FBXL17: variants seen among roughly 807,000 people sequenced by gnomAD.
FBXL17 encodes F-box and leucine rich repeat protein 17.
FBXL17 carries 22 observed loss-of-function variants against 66.2 expected under a neutral mutation model. The observed-to-expected ratio is 0.33, with a 90% CI of 0.24 to 0.47. The LOEUF (loss-of-function observed/expected upper bound fraction) is 0.47. Among genes scored for constraint, FBXL17 ranks in the 20% least tolerant of loss-of-function variants. The pLI is 1.00. For synonymous variants in FBXL17, 474 were observed against 400.5 expected, an observed-to-expected ratio of 1.18 and a Z score of -2.19; for missense variants, 878 against 948.2, an observed-to-expected ratio of 0.93 and a Z score of 0.97.
At position 107,889,046 on chromosome 5, in the gene FBXL17, T is replaced by C. The variant is rs73780448; in HGVS notation, c.1823-7867A>G. On this transcript the variant is annotated intron_variant, in intron 7 of 8. Transcript: ENST00000542267. ...TACAGCTGTTCTAGTGGGTACGTAG[T>C]AGTACCTTCTCGTGGGTTTTAATTT... Among the ~76,000 whole-genome samples, 532 of 152,276 alleles carry C rather than the reference T, an allele frequency of 3.5e-3. 2 individuals carry two copies. Among genetic ancestry groups the C allele is most frequent in the African/African-American group, 0.012 (507 of 41,566 alleles).
intron 5 of FBXL17, among the ~76,000 whole-genome samples, chr5:108,196,245 A>AC (rs1561458638): frequency 6.6e-6 from 1 of 151,884 alleles, no homozygotes; most frequent in African/African-American, 2.4e-5. Flanking sequence ...CAAAAAAAAA[A>AC]CGCTTATAGC....
intron 4 of FBXL17, among the ~76,000 whole-genome samples, chr5:108,259,563 A>G (rs557648113): frequency 6.6e-6 from 1 of 152,324 alleles, no homozygotes; most frequent in South Asian, 2.1e-4. Context: ...CTCAGTTAGA[A>G]ATGAATATGA....
At chr5:108,296,600 T>C (rs1199764132) in intron 4 of FBXL17, among the ~76,000 whole-genome samples, 1 of 151,796 alleles carries the variant, frequency 6.6e-6, no homozygotes, top group Non-Finnish European at 1.5e-5. Flanking sequence ...AGCCTCACTT[T>C]GATGTCAGGA....
chr5:108,034,602 T>C (rs900490636), intron 6 of FBXL17, among the ~76,000 whole-genome samples: 2 of 152,186 alleles, frequency 1.3e-5, no homozygotes, highest in African/African-American at 4.8e-5. Flanking sequence ...TTATTTATTT[T>C]CATAGCTATG....
intron 8 of FBXL17, among the ~76,000 whole-genome samples, chr5:107,869,029 C>G (rs972175780): frequency 6.6e-6 from 1 of 152,166 alleles, no homozygotes; most frequent in African/African-American, 2.4e-5. Context: ...AGATGGACCC[C>G]TTTATTTGCA....
intron 6 of FBXL17, among the ~76,000 whole-genome samples, chr5:108,078,547 G>A (rs992671430): frequency 2.6e-5 from 4 of 152,108 alleles, no homozygotes; most frequent in South Asian, 2.1e-4. Context: ...TGATGCCAGC[G>A]GGCCTTCTCT....
At chr5:108,263,243 A>G (rs1299732357) in intron 4 of FBXL17, among the ~76,000 whole-genome samples, 1 of 152,166 alleles carries the variant, frequency 6.6e-6, no homozygotes, top group Non-Finnish European at 1.5e-5. Context: ...TACTATCAAC[A>G]CGACTCAAAC....
chr5:108,139,197 A>G (rs1483878110), intron 6 of FBXL17, among the ~76,000 whole-genome samples: 2 of 152,206 alleles, frequency 1.3e-5, no homozygotes, highest in East Asian at 1.9e-4. Context: ...AGGGCAAGGC[A>G]TGGAGGTAGT....
At chr5:108,220,678 G>T (rs977695693) in intron 5 of FBXL17, among the ~76,000 whole-genome samples, 39 of 152,124 alleles carry the variant, frequency 2.6e-4, no homozygotes, top group African/African-American at 8.4e-4. Context: ...GCCTAAGTCA[G>T]TAGGAGCCAT....
chr5:108,367,965 A>T lies in FBXL17; in HGVS notation c.994-12T>A. 1.3e-6 allele frequency: 2 copies of T among 1,549,480 alleles called. No individual in the cohort carries two copies. The highest frequency in any genetic ancestry group is 1.7e-6 in the Non-Finnish European group (2 of 1,145,672). On this transcript the variant is annotated splice_polypyrimidine_tract_variant and intron_variant, in intron 1 of 8. Transcript: ENST00000542267. ...AAATTGGAAAATATCTGTGAATAAA[A>T]AACGGTACCATATAATATGTGCTAA...
intron 7 of FBXL17, among the ~76,000 whole-genome samples, chr5:107,928,207 C>T (rs904269813): frequency 6.6e-6 from 1 of 151,914 alleles, no homozygotes; most frequent in African/African-American, 2.4e-5. Context: ...AATAGGACTC[C>T]TATGGGGCCT....
intron 5 of FBXL17, among the ~76,000 whole-genome samples, chr5:108,199,625 G>T (rs191001560): frequency 3.1e-3 from 465 of 152,262 alleles, no homozygotes; most frequent in Non-Finnish European, 5.3e-3. Context: ...GGTAGTCTAA[G>T]AAAGAGTCAG....
intron 7 of FBXL17, among the ~76,000 whole-genome samples, chr5:107,970,374 C>T (rs569921477): frequency 1.6e-4 from 25 of 152,206 alleles, no homozygotes; most frequent in African/African-American, 6.0e-4. Flanking sequence ...GCAAAACATC[C>T]CCTTATATAT....
intron 6 of FBXL17, among the ~76,000 whole-genome samples, chr5:108,154,462 T>C (rs1319334264): frequency 2.0e-5 from 3 of 150,410 alleles, no homozygotes; most frequent in East Asian, 2.0e-4. Flanking sequence ...TGGTGGTGTA[T>C]GCCTGTAATC....
chr5:108,362,618 A>G (rs1355560746), intron 3 of FBXL17, among the ~76,000 whole-genome samples: 2 of 152,162 alleles, frequency 1.3e-5, no homozygotes, highest in African/African-American at 4.8e-5. Context: ...AGAGGATAGT[A>G]TTCAACCAAA....
At chr5:108,097,519 G>T (rs1026500393) in intron 6 of FBXL17, among the ~76,000 whole-genome samples, 1 of 152,086 alleles carries the variant, frequency 6.6e-6, no homozygotes, top group South Asian at 2.1e-4. Flanking sequence ...GGCTGGGAGT[G>T]GTGGCTCACG....
intron 7 of FBXL17, among the ~76,000 whole-genome samples, chr5:108,005,536 G>A (rs1453962803): frequency 1.3e-5 from 2 of 152,140 alleles, no homozygotes; most frequent in Non-Finnish European, 1.5e-5. Context: ...CCTACAGTGG[G>A]TAAGAGCTAA....
At chr5:108,376,926 G>C (rs964406150) in intron 1 of FBXL17, among the ~76,000 whole-genome samples, 11 of 151,892 alleles carry the variant, frequency 7.2e-5, no homozygotes, top group African/African-American at 2.4e-4. Flanking sequence ...CTGGCCACCA[G>C]TGTAGAATTT....
intron 7 of FBXL17, among the ~76,000 whole-genome samples, chr5:107,976,971 T>C (rs1752603874): frequency 6.6e-6 from 1 of 152,192 alleles, no homozygotes; most frequent in South Asian, 2.1e-4. Flanking sequence ...CATATATGAT[T>C]GGGTTGGCTT....
Sources: gnomAD v4.1 joint callset for allele counts (sites outside exome capture counted in the v4.1 genomes callset) on GRCh38, gnomAD v4.1.1 for gene constraint, MANE v1.5 for transcripts, NCBI Gene and HGNC (gene_info 2026-07-23, HGNC 2026-07-21) for gene names.